Variants in LARP1 observed in about 807,000 individuals in gnomAD.
LARP1 encodes la-related protein 1.
LARP1 carries 36 observed loss-of-function variants against 122.7 expected under a neutral mutation model. That is an observed-to-expected ratio of 0.29 (90% confidence interval 0.22 to 0.39). The LOEUF (loss-of-function observed/expected upper bound fraction) is 0.39, where lower values mean the gene tolerates loss of function less well. Ranked by LOEUF, LARP1 falls within the 10% of genes least tolerant of loss-of-function variation. LARP1 has a pLI of 1.00. For synonymous variants in LARP1, 539 were observed against 528.7 expected (o/e 1.02, Z -0.27); for missense variants, 1,040 against 1,403.6 (o/e 0.74, Z 4.14).
rs887359101 is a variant in LARP1, at chr5:154,816,511, G to A, written c.*2415G>A. 1 of 152,712 alleles carries A rather than the reference G, an allele frequency of 6.5e-6. No homozygotes were observed. Among genetic ancestry groups the A allele is most frequent in the Non-Finnish European group, 1.5e-5 (1 of 68,122 alleles). 9.5% of individuals were successfully genotyped at this position (152,712 alleles called of 1,614,324 possible). On this transcript the variant is annotated 3_prime_UTR_variant, in exon 19 of 19. Transcript: ENST00000518297. ...CAACATCGGCTGGTGGTTGGTAGGG[G>A]AGCTTTTTCTTTTCTTTCCTTTTTT...
intron 1 of LARP1, among the ~76,000 whole-genome samples, chr5:154,691,668 T>C (rs1254410593): frequency 3.3e-5 from 5 of 152,214 alleles, no homozygotes; most frequent in African/African-American, 1.2e-4. Context: ...CCTCCGTCCC[T>C]GTTCCCTGGG....
At chr5:154,782,586 G>A (rs561260739) in intron 1 of LARP1, among the ~76,000 whole-genome samples, 3 of 152,228 alleles carry the variant, frequency 2.0e-5, no homozygotes, top group East Asian at 1.9e-4. Flanking sequence ...TCCTCCTCCC[G>A]GGCCAAGGGG....
chr5:154,780,066 T>C (rs1419050059), intron 1 of LARP1, among the ~76,000 whole-genome samples: 2 of 151,516 alleles, frequency 1.3e-5, no homozygotes, highest in African/African-American at 4.9e-5. Flanking sequence ...CTGGCCTGGA[T>C]TGGGGGAACT....
At chr5:154,727,509 T>C (rs1756294744) in intron 1 of LARP1, among the ~76,000 whole-genome samples, 1 of 151,776 alleles carries the variant, frequency 6.6e-6, no homozygotes, top group African/African-American at 2.4e-5. Context: ...GAAGGGAGAA[T>C]TGGGGTGGTA....
rs140953194 is a variant in LARP1, at chr5:154,803,622, A to G, written c.2316A>G (p.Pro772=). ...CCCGCTCTCTACCAACCACTGTCCC[A>G]GAGTCACCAAACTACCGCAACACCA... is the stretch of plus-strand genomic sequence containing the variant. ...TIARSLPTTV[P]ESPNYRNTRT... is the part of the protein sequence containing the mutation. Residue 772 remains proline, a synonymous_variant, in exon 13 of 19, where the codon CCA becomes CCG. Coordinates refer to ENST00000518297, the MANE Select transcript of LARP1 (RefSeq NM_033551.3). This position sits in a 1 kb window ranked among gnomAD's most constrained non-coding sequence, Gnocchi z 4.4. 17 of 1,614,136 alleles carry G rather than the reference A, an allele frequency of 1.1e-5. No individual in the cohort carries two copies. The highest frequency in any genetic ancestry group is 8.0e-5 in the African/African-American group (6 of 75,012).
rs1447569366 is a variant in LARP1, at chr5:154,803,127, G to A, written c.2110-163G>A. 1.3e-5 allele frequency among the ~76,000 whole-genome samples: 2 copies of A among 152,184 alleles called. No individual in the cohort carries two copies. The highest frequency in any genetic ancestry group is 3.9e-4 in the East Asian group (2 of 5,192). ...GCACACTTGTGCCAAGGTAACTGGGGTGAGGAATGGTGACTGGGCAGCTGA... is the reference window on the plus strand; with the variant it reads ...GCACACTTGTGCCAAGGTAACTGGGATGAGGAATGGTGACTGGGCAGCTGA... On this transcript the variant is annotated intron_variant, in intron 11 of 18. Transcript: ENST00000518297. This position sits in a 1 kb window ranked among gnomAD's most constrained non-coding sequence, Gnocchi z 4.4.
intron 1 of LARP1, among the ~76,000 whole-genome samples, chr5:154,731,988 C>T (rs547989314): frequency 2.0e-5 from 3 of 149,762 alleles, no homozygotes; most frequent in African/African-American, 7.4e-5. Flanking sequence ...CGCCACTGCA[C>T]TGCAGCCTGG....
At chr5:154,755,213 CCG>C (rs202019584), upstream of LARP1, among the ~76,000 whole-genome samples, 3 of 122,358 alleles carry the variant, frequency 2.5e-5, no homozygotes, top group African/African-American at 9.5e-5. Flanking sequence ...CGTGCGCGCG[CCG>C]TCCCGCCGCC....
chr5:154,776,052 G>A (rs1755857285), intron 1 of LARP1, among the ~76,000 whole-genome samples: 1 of 152,154 alleles, frequency 6.6e-6, no homozygotes, highest in Non-Finnish European at 1.5e-5. Context: ...CTTAACTCCT[G>A]TAACCCCAGC....
intron 1 of LARP1, among the ~76,000 whole-genome samples, chr5:154,688,218 G>A (rs1211864801): frequency 2.0e-5 from 3 of 152,156 alleles, no homozygotes; most frequent in African/African-American, 7.2e-5. Flanking sequence ...CGAGGCTCCT[G>A]CAGTCTCATC....
chr5:154,811,683 A>G, intron 18 of LARP1, 43 bp downstream of exon 18: 1 of 1,610,982 alleles, frequency 6.2e-7, no homozygotes, highest in Non-Finnish European at 8.5e-7. Context: ...CCTGGAAAGA[A>G]AACTGGACCA....
intron 1 of LARP1, among the ~76,000 whole-genome samples, chr5:154,694,843 T>G (rs913986128): frequency 8.0e-5 from 12 of 150,932 alleles, no homozygotes; most frequent in African/African-American, 2.9e-4. Context: ...TGGTTTATTG[T>G]TTTTTTTTAT....
chr5:154,798,078 C>T (rs1052777638), intron 8 of LARP1, among the ~76,000 whole-genome samples: 1 of 152,222 alleles, frequency 6.6e-6, no homozygotes, highest in Non-Finnish European at 1.5e-5. Flanking sequence ...TGTGGTTTCA[C>T]ATTTAAATTG....
chr5:154,791,652 C>G (rs1188383611), intron 3 of LARP1, among the ~76,000 whole-genome samples: 1 of 152,202 alleles, frequency 6.6e-6, no homozygotes, highest in African/African-American at 2.4e-5. Flanking sequence ...GGGCTGGTGG[C>G]AGGTGTTGGT....
intron 1 of LARP1, among the ~76,000 whole-genome samples, chr5:154,771,788 G>A (rs1352599462): frequency 3.3e-5 from 5 of 152,226 alleles, no homozygotes; most frequent in South Asian, 4.1e-4. Context: ...CAGCTCTGCC[G>A]GGCCACATGC....
At position 154,794,004 on chromosome 5, in the gene LARP1, C is replaced by T. The variant is rs972866573; in HGVS notation, c.1069+4C>T. The T allele has an allele frequency of 9.9e-6, 16 of 1,609,036 alleles. No homozygotes were observed. The highest frequency in any genetic ancestry group is 2.2e-5 in the East Asian group (1 of 44,758). On this transcript the variant is annotated splice_donor_region_variant and intron_variant, in intron 6 of 18. Transcript: ENST00000518297. ...CGCGGCCGGGGTGGCACTCGAAGTA[C>T]GTGAGGCCCCTTTGGGCTCCGGGAT...
chr5:154,686,975 C>T (rs2113182183), intron 1 of LARP1, among the ~76,000 whole-genome samples: 1 of 152,322 alleles, frequency 6.6e-6, no homozygotes, highest in Non-Finnish European at 1.5e-5. Flanking sequence ...TGAGCCTTTC[C>T]TAGAGAGAAA....
At chr5:154,731,901 A>T (rs1756591369) in intron 1 of LARP1, among the ~76,000 whole-genome samples, 6 of 152,058 alleles carry the variant, frequency 3.9e-5, no homozygotes, top group Admixed American at 3.9e-4. Context: ...CCGCGCCTGT[A>T]GTCCCAGCTA....
intron 14 of LARP1, among the ~76,000 whole-genome samples, 169 bp downstream of exon 14, chr5:154,804,476 C>A (rs567932004): frequency 6.6e-6 from 1 of 152,084 alleles, no homozygotes; most frequent in East Asian, 1.9e-4. Context: ...CTGGGAATGA[C>A]GGGTAGGCTT....
Sources: allele counts gnomAD v4.1 joint callset (sites outside exome capture counted in the v4.1 genomes callset), GRCh38; gene constraint gnomAD v4.1.1; non-coding constraint Gnocchi (gnomAD v3.1); transcripts MANE v1.5; gene names NCBI Gene and HGNC (gene_info 2026-07-23, HGNC 2026-07-21).